Variants in HMGA2 observed in about 807,000 individuals in gnomAD.
The protein encoded by HMGA2 is high mobility group protein HMGI-C.
HMGA2 carries 8 observed loss-of-function variants against 19.1 expected under a neutral mutation model. The observed-to-expected ratio is 0.42, with a 90% confidence interval of 0.25 to 0.76. The LOEUF (loss-of-function observed/expected upper bound fraction) is 0.76. Among genes scored for constraint, HMGA2 ranks in the 30% least tolerant of loss-of-function variants. The pLI is 0.28. For synonymous variants in HMGA2, 60 were observed against 48.8 expected, an observed-to-expected ratio of 1.23 and a Z score of -0.96; for missense variants, 109 against 136.3, an observed-to-expected ratio of 0.80 and a Z score of 1.00.
chr12:65,855,738 T>TG (rs1871707892), intron 3 of HMGA2, among the ~76,000 whole-genome samples: 4 of 152,060 alleles, frequency 2.6e-5, no homozygotes, highest in South Asian at 2.1e-4. Context: ...ATGATGATGA[T>TG]AATGATTGAT....
chr12:65,914,332 C>T lies in HMGA2; in HGVS notation c.250-37051C>T, dbSNP rs1447622141. ...GCAGCCATAAAAAATGATGAGTTCA[C>T]GTCCTTTGTAGGGACAAGGATGAAA... On this transcript the variant is annotated intron_variant, in intron 3 of 4. Transcript: ENST00000403681. Among the ~76,000 whole-genome samples, 5 of 151,752 alleles carry T rather than the reference C, an allele frequency of 3.3e-5. No homozygotes were observed. The East Asian group carries it at 7.7e-4, about 23-fold the overall frequency.
intron 3 of HMGA2, among the ~76,000 whole-genome samples, chr12:65,886,681 C>T (rs959273710): frequency 2.6e-5 from 4 of 152,068 alleles, no homozygotes; most frequent in Non-Finnish European, 5.9e-5. Flanking sequence ...ATTCATCATT[C>T]TTGCAGGGAA....
intron 3 of HMGA2, among the ~76,000 whole-genome samples, chr12:65,871,202 A>G (rs1407474766): frequency 6.6e-6 from 1 of 152,170 alleles, no homozygotes; most frequent in Non-Finnish European, 1.5e-5. Context: ...AAGAATAATA[A>G]TATTTATTAT....
At chr12:65,842,004 T>TTA in intron 3 of HMGA2, 1 of 1,053,646 alleles carries the variant, frequency 9.5e-7, no homozygotes, top group Non-Finnish European at 1.2e-6. Context: ...TTTTTTTTTT[T>TTA]ATCCCCCTAG....
chr12:65,872,545 C>T (rs925942744), intron 3 of HMGA2, among the ~76,000 whole-genome samples: 2 of 152,210 alleles, frequency 1.3e-5, no homozygotes, highest in Non-Finnish European at 2.9e-5. Flanking sequence ...TCATCCTTGA[C>T]TTGTCAGTCT....
chr12:65,861,976 C>A (rs560579590), intron 3 of HMGA2, among the ~76,000 whole-genome samples: 1 of 151,920 alleles, frequency 6.6e-6, no homozygotes, highest in East Asian at 1.9e-4. Flanking sequence ...TCCTGAGTAT[C>A]TGGGATTACA....
chr12:65,962,784 A>G (rs969981119), intron 4 of HMGA2, among the ~76,000 whole-genome samples: 4 of 152,216 alleles, frequency 2.6e-5, no homozygotes, highest in Admixed American at 6.5e-5. Flanking sequence ...TAAGCACTCT[A>G]AAAATACCAG....
Position 65,881,740 on chromosome 12 carries a change from C to T in HMGA2, c.249+43171C>T, listed in dbSNP as rs1044448821. On this transcript the variant is annotated intron_variant, in intron 3 of 4. Transcript: ENST00000403681. ...CACTGACTCCGCACACATTCCCTCC[C>T]AGTGGTTGCTAATGAAGAGCCCGTG... The T allele has an allele frequency of 1.0e-5, 7 of 702,948 alleles. No individual in the cohort carries two copies. The Admixed American group carries it at 1.4e-4, about 14-fold the overall frequency. The allele number at this position is 702,948 out of a possible 1,614,324, so 43.5% of individuals were successfully genotyped here.
chr12:65,838,998 C>CT, intron 3 of HMGA2, among the ~76,000 whole-genome samples: 1,910 of 107,198 alleles, frequency 0.018, 79 homozygotes, highest in Admixed American at 0.059. Flanking sequence ...TTTTCTTTTT[C>CT]TTTTTTTTTT....
intron 2 of HMGA2, among the ~76,000 whole-genome samples, chr12:65,835,612 A>T (rs1870681810): frequency 6.6e-6 from 1 of 152,164 alleles, no homozygotes; most frequent in African/African-American, 2.4e-5. Flanking sequence ...TGTAAATGAG[A>T]TGCTCATTTA....
chr12:65,892,846 G>A (rs1454855167), intron 3 of HMGA2, among the ~76,000 whole-genome samples: 1 of 152,186 alleles, frequency 6.6e-6, no homozygotes, highest in Non-Finnish European at 1.5e-5. Flanking sequence ...GCCTCCTGGG[G>A]CTGGAAGGGG....
intron 3 of HMGA2, chr12:65,858,365 C>G (rs914598944): frequency 6.6e-6 from 1 of 151,342 alleles, no homozygotes; most frequent in Non-Finnish European, 1.5e-5. Context: ...AAATTTGATT[C>G]AGCAATTCCT....
intron 3 of HMGA2, among the ~76,000 whole-genome samples, chr12:65,863,628 A>C (rs562918795): frequency 1.3e-5 from 2 of 152,212 alleles, no homozygotes; most frequent in Admixed American, 6.5e-5. Flanking sequence ...GAGAAACTAA[A>C]TTGTAATTTG....
Position 65,949,711 on chromosome 12 carries a change from A to G in HMGA2, c.250-1672A>G, listed in dbSNP as rs541640870. ...TCAAAAGAGGAGAGTTTTGCTCTAC[A>G]CATACAATAGATACAGATATAACAC... On this transcript the variant is annotated intron_variant, in intron 3 of 4. Transcript: ENST00000403681. 5.3e-5 allele frequency among the ~76,000 whole-genome samples: 8 copies of G among 152,352 alleles called. No individual in the cohort carries two copies. The East Asian group carries it at 7.7e-4, about 15-fold the overall frequency.
At chr12:65,952,584 G>A in intron 4 of HMGA2, 10 of 1,175,372 alleles carry the variant, frequency 8.5e-6, no homozygotes, top group South Asian at 7.9e-5. Flanking sequence ...GTGGGAGAGG[G>A]GTGCTAAAAA....
At chr12:65,843,976 G>A (rs1592380682) in intron 3 of HMGA2, among the ~76,000 whole-genome samples, 2 of 150,722 alleles carry the variant, frequency 1.3e-5, no homozygotes, top group East Asian at 3.9e-4. Flanking sequence ...TTGAACCTGG[G>A]AGGCAGAGGT....
intron 3 of HMGA2, among the ~76,000 whole-genome samples, chr12:65,890,599 T>C (rs997979692): frequency 2.0e-5 from 3 of 152,088 alleles, no homozygotes. Flanking sequence ...AAAATCAGCA[T>C]TGTTCTCCCT....
chr12:65,872,360 T>C (rs1043091626), intron 3 of HMGA2, among the ~76,000 whole-genome samples: 1 of 152,134 alleles, frequency 6.6e-6, no homozygotes, highest in Non-Finnish European at 1.5e-5. Context: ...CCCGGGAGGC[T>C]CTTCTTTCTC....
At chr12:65,863,361 G>A (rs1279099895) in intron 3 of HMGA2, among the ~76,000 whole-genome samples, 3 of 152,300 alleles carry the variant, frequency 2.0e-5, no homozygotes, top group East Asian at 3.9e-4. Flanking sequence ...CATCTGTAAA[G>A]AAGAATGCAA....
Sources: allele counts gnomAD v4.1 joint callset (sites outside exome capture counted in the v4.1 genomes callset), GRCh38; gene constraint gnomAD v4.1.1; transcripts MANE v1.5; gene names NCBI Gene and HGNC (gene_info 2026-07-23, HGNC 2026-07-21).